SORL1: variants seen among roughly 807,000 people sequenced by gnomAD.
SORL1 encodes sortilin-related receptor.
In SORL1, 127 loss-of-function variants were observed where a neutral mutation model predicts 273.7. The ratio of observed to expected loss-of-function variants is 0.46; its 90% CI spans 0.40 to 0.54. The LOEUF is 0.54. Among genes scored for constraint, SORL1 ranks in the 20% least tolerant of loss-of-function variants. SORL1 has a pLI of 0.00. For synonymous variants in SORL1, 1,031 were observed against 1,067.4 expected, an observed-to-expected ratio of 0.97 and a Z score of 0.66; for missense variants, 2,494 against 2,846.1, an observed-to-expected ratio of 0.88 and a Z score of 2.81.
rs534427711 is a variant in SORL1, at chr11:121,562,329, C to A, written c.3049+2672C>A. On this transcript the variant is annotated intron_variant, in intron 21 of 47. Transcript: ENST00000260197. ...TTTTGTTGTCTCCTCCTAACACATT[C>A]GGGACTTTCTACAGTAGTCTCCTGC... Among the ~76,000 whole-genome samples the A allele has an allele frequency of 5.3e-5, 8 of 152,302 alleles. No individual in the cohort carries two copies. In the East Asian group the frequency reaches 9.6e-4, roughly 18 times the overall value.
At chr11:121,591,318 G>C (rs771395701) in intron 31 of SORL1, among the ~76,000 whole-genome samples, 162 bp downstream of exon 31, 1 of 152,202 alleles carries the variant, frequency 6.6e-6, no homozygotes, top group Non-Finnish European at 1.5e-5. Flanking sequence ...TCCAGGGAAG[G>C]CTGATTTCTA....
intron 40 of SORL1, 196 bp from the exon 41 acceptor site, chr11:121,614,675 T>G: frequency 1.9e-6 from 1 of 529,468 alleles, no homozygotes; most frequent in East Asian, 3.5e-5. Flanking sequence ...CCAGTGCTTG[T>G]GCAGTGTGTT....
At position 121,595,344 on chromosome 11, in the gene SORL1, GCTAT is replaced by G. The variant is rs1863276644; in HGVS notation, c.4370-276_4370-273del. On this transcript the variant is annotated intron_variant, in intron 31 of 47. Transcript: ENST00000260197. The surrounding 1 kb of genome is among the most constrained non-coding windows in gnomAD (Gnocchi z 5.1). ...TCGCTGGCCTCTTTAGTCACATACC[GCTAT>G]CTGTCTTCTTTCCAGCTCCCAAATC... Among the ~76,000 whole-genome samples, 1 of 152,128 alleles carries G rather than the reference GCTAT, an allele frequency of 6.6e-6. No homozygotes were observed. The highest frequency in any genetic ancestry group is 2.4e-5 in the African/African-American group (1 of 41,422).
intron 23 of SORL1, among the ~76,000 whole-genome samples, chr11:121,570,564 C>A (rs1268392443): frequency 6.6e-6 from 1 of 152,190 alleles, no homozygotes; most frequent in African/African-American, 2.4e-5. Context: ...ATTTGGCAAT[C>A]TGGGCTCTAA....
chr11:121,476,316 G>A (rs1462569811), intron 2 of SORL1, among the ~76,000 whole-genome samples: 1 of 152,150 alleles, frequency 6.6e-6, no homozygotes, highest in East Asian at 1.9e-4. Context: ...CTGCTTTTGT[G>A]GCAGCTCCTT....
intron 21 of SORL1, among the ~76,000 whole-genome samples, chr11:121,566,497 G>T (rs1266189449): frequency 6.6e-6 from 1 of 152,122 alleles, no homozygotes; most frequent in African/African-American, 2.4e-5. Context: ...GTGCTGCCAT[G>T]CCTGGCCTCC....
At position 121,589,328 on chromosome 11, in the gene SORL1, G is replaced by A. The variant is rs1329620000; in HGVS notation, c.4016G>A (p.Ser1339Asn). 3 of 1,613,960 alleles carry A rather than the reference G, an allele frequency of 1.9e-6. No individual in the cohort carries two copies. In the South Asian group the frequency reaches 3.3e-5, roughly 18 times the overall value. ...CAGTGTCAGAATGGAGTGTGCATCA[G>A]TTTGATTTGGAAGTGCGACGGGATG... ...GFQCQNGVCISLIWKCDGMDD... is the reference protein window; with the variant it reads ...GFQCQNGVCINLIWKCDGMDD... Residue 1339 changes from serine (S) to asparagine (N), a missense_variant, in exon 29 of 48, where the codon AGT becomes AAT. Ser to Asn is a conservative substitution (Grantham distance 46). Coordinates refer to ENST00000260197, the MANE Select transcript of SORL1 (RefSeq NM_003105.6).
In SORL1 at chr11:121,627,412, G is replaced by A; in HGVS notation, c.6365-143G>A. On this transcript the variant is annotated intron_variant, in intron 46 of 47. Coordinates refer to ENST00000260197, the MANE Select transcript of SORL1 (RefSeq NM_003105.6). The surrounding 1 kb of genome is among the most constrained non-coding windows in gnomAD (Gnocchi z 4.9). ...GGAAGCAATCAGGCATCACGCACAT[G>A]CAGAAACGTCTCACACCAGACAGGC... The A allele has an allele frequency of 1.5e-6, 1 of 683,332 alleles. No individual in the cohort carries two copies. Among genetic ancestry groups the A allele is most frequent in the Non-Finnish European group, 2.6e-6 (1 of 386,570 alleles). 42.3% of individuals were successfully genotyped at this position (683,332 alleles called of 1,614,324 possible). A position where few individuals can be genotyped will look rare whatever the true frequency, so the allele number is the denominator to read the frequency against.
chr11:121,536,191 G>A (rs999862351), intron 12 of SORL1, among the ~76,000 whole-genome samples: 1 of 152,082 alleles, frequency 6.6e-6, no homozygotes, highest in African/African-American at 2.4e-5. Context: ...CTTCTCTCTG[G>A]AAATCCTGAA....
intron 21 of SORL1, among the ~76,000 whole-genome samples, chr11:121,564,629 T>G (rs1591329250): frequency 6.6e-6 from 1 of 152,110 alleles, no homozygotes; most frequent in Non-Finnish European, 1.5e-5. Flanking sequence ...CAGGCTGGAG[T>G]GCAGTGGCGC....
intron 6 of SORL1, among the ~76,000 whole-genome samples, chr11:121,504,622 T>C (rs772727034): frequency 2.6e-5 from 4 of 152,190 alleles, no homozygotes; most frequent in Non-Finnish European, 5.9e-5. Context: ...GATGATGTTG[T>C]CTGCTAAAAG....
chr11:121,589,517 GCCAGTTC>G, intron 29 of SORL1, 127 bp downstream of exon 29: 2 of 1,165,318 alleles, frequency 1.7e-6, no homozygotes, highest in Non-Finnish European at 2.5e-6. Context: ...AGCAGTTGCT[GCCAGTTC>G]CTGAATACTC....
chr11:121,512,826 A>G (rs540171452), intron 6 of SORL1, among the ~76,000 whole-genome samples, 177 bp from the exon 7 acceptor site: 7 of 152,366 alleles, frequency 4.6e-5, no homozygotes, highest in Non-Finnish European at 8.8e-5. Context: ...ATGAAGCAGT[A>G]CAACCCAAAC....
chr11:121,466,576 G>A (rs1393940643), intron 1 of SORL1, among the ~76,000 whole-genome samples: 1 of 152,186 alleles, frequency 6.6e-6, no homozygotes, highest in African/African-American at 2.4e-5. Context: ...ATGGGGGCAA[G>A]GTGGAGACAG....
At chr11:121,498,184 C>T (rs1861658701) in intron 6 of SORL1, among the ~76,000 whole-genome samples, 1 of 152,222 alleles carries the variant, frequency 6.6e-6, no homozygotes, top group South Asian at 2.1e-4. Flanking sequence ...CCTGCCTTGA[C>T]TGTTTCTTTA....
Position 121,563,828 on chromosome 11 carries a change from CT to C in SORL1, c.3050-3108del, listed in dbSNP as rs2134916981. Among the ~76,000 whole-genome samples, 1 of 152,270 alleles carries C rather than the reference CT, an allele frequency of 6.6e-6. No individual in the cohort carries two copies. On this transcript the variant is annotated intron_variant, in intron 21 of 47. Transcript: ENST00000260197. The surrounding 1 kb of genome is among the most constrained non-coding windows in gnomAD (Gnocchi z 4.2). Reference sequence around the variant, plus strand: ...CGATGGCTCTTGGAGCTTTGGAATTCTTTTGCAGTTTTGGAATTCTCCTTTA... The same window carrying C: ...CGATGGCTCTTGGAGCTTTGGAATTCTTTGCAGTTTTGGAATTCTCCTTTA...
intron 23 of SORL1, among the ~76,000 whole-genome samples, chr11:121,572,328 G>A (rs924746): frequency 0.46 from 69,173 of 151,986 alleles, 18,077 homozygotes; most frequent in Non-Finnish European, 0.61. Context: ...CTGCACAGTT[G>A]TGCATGAAGG....
intron 1 of SORL1, among the ~76,000 whole-genome samples, chr11:121,464,905 G>A (rs1273340924): frequency 1.3e-5 from 2 of 152,136 alleles, no homozygotes; most frequent in African/African-American, 4.8e-5. Context: ...GTAGCATGAG[G>A]GCTTGAGATG....
Position 121,605,748 on chromosome 11 carries a change from A to C in SORL1, c.4948+177A>C, listed in dbSNP as rs545452741. 2.6e-5 allele frequency among the ~76,000 whole-genome samples: 4 copies of C among 152,326 alleles called. No homozygotes were observed. The South Asian group carries it at 6.2e-4, about 24-fold the overall frequency. On this transcript the variant is annotated intron_variant, in intron 35 of 47. Transcript: ENST00000260197. ...GTCAAACATCTGTTCTTCTTACTGC[A>C]TCAGAGACTGTTCTTGTACCTTAAG...
Sources: allele counts gnomAD v4.1 joint callset (sites outside exome capture counted in the v4.1 genomes callset), GRCh38; gene constraint gnomAD v4.1.1; non-coding constraint Gnocchi (gnomAD v3.1); transcripts MANE v1.5; gene names NCBI Gene and HGNC (gene_info 2026-07-23, HGNC 2026-07-21).